The following ACSS3 variants were observed in gnomAD, a reference collection of about 807,000 sequenced individuals.
ACSS3 encodes the protein acyl-CoA synthetase short chain family member 3, also known as acyl-CoA synthetase short-chain family member 3, mitochondrial.
ACSS3 carries 64 observed loss-of-function variants against 84.2 expected under a neutral mutation model. That is an observed-to-expected ratio of 0.76 (90% CI 0.62 to 0.94). The LOEUF (loss-of-function observed/expected upper bound fraction) is 0.94, where lower values mean the gene tolerates loss of function less well. ACSS3 is among the 40% of genes least tolerant of loss of function. ACSS3 has a pLI of 0.00. For missense variants in ACSS3, 815 were observed against 867.6 expected, an observed-to-expected ratio of 0.94 and a Z score of 0.76; for synonymous variants, 317 against 310.1, an observed-to-expected ratio of 1.02 and a Z score of -0.23.
In ACSS3 at chr12:81,084,454, T is replaced by C. The variant is rs111880806; in HGVS notation, c.311+6023T>C. On this transcript the variant is annotated intron_variant, in intron 1 of 15. Transcript: ENST00000548058. ...TGCAGGGAAGTAAAGACATGGTAAC[T>C]GTAAGAATCTGACTTAAATGTCCAG... Among the ~76,000 whole-genome samples the C allele has an allele frequency of 6.3e-3, 955 of 152,272 alleles. 7 individuals are homozygous for C. The highest frequency in any genetic ancestry group is 0.018 in the African/African-American group (731 of 41,560).
intron 2 of ACSS3, among the ~76,000 whole-genome samples, chr12:81,115,201 T>C (rs1307870787): frequency 6.6e-6 from 1 of 152,178 alleles, no homozygotes; most frequent in Non-Finnish European, 1.5e-5. Context: ...AGGAATGAGA[T>C]GAATTGTTCG....
intron 8 of ACSS3, among the ~76,000 whole-genome samples, chr12:81,175,782 A>T (rs1421191672): frequency 6.6e-6 from 1 of 152,328 alleles, no homozygotes; most frequent in South Asian, 2.1e-4. Context: ...TTAAGGTAGA[A>T]ATCAAGAAAT....
intron 9 of ACSS3, among the ~76,000 whole-genome samples, chr12:81,216,233 C>T (rs1179234641): frequency 7.4e-6 from 1 of 135,624 alleles, no homozygotes; most frequent in African/African-American, 2.8e-5. Context: ...TACGTGTGCA[C>T]AACATGAATT....
intron 8 of ACSS3, among the ~76,000 whole-genome samples, chr12:81,197,404 G>A (rs2031889018): frequency 6.6e-6 from 1 of 152,094 alleles, no homozygotes. Flanking sequence ...AATAAAATTG[G>A]TAACGTGAGA....
intron 13 of ACSS3, among the ~76,000 whole-genome samples, 187 bp from the exon 14 acceptor site, chr12:81,253,120 T>G (rs1449780163): frequency 6.6e-6 from 1 of 152,232 alleles, no homozygotes; most frequent in African/African-American, 2.4e-5. Context: ...ACTTCACTAG[T>G]AATGATGTAA....
At chr12:81,180,688 G>A (rs1415020214) in intron 8 of ACSS3, among the ~76,000 whole-genome samples, 1 of 151,982 alleles carries the variant, frequency 6.6e-6, no homozygotes, top group Non-Finnish European at 1.5e-5. Context: ...GCTAATTTTT[G>A]TATTATTAGC....
chr12:81,125,385 T>C (rs1448757425), intron 2 of ACSS3, among the ~76,000 whole-genome samples: 17 of 152,220 alleles, frequency 1.1e-4, no homozygotes, highest in Non-Finnish European at 1.5e-5. Flanking sequence ...TTAGCTAAGG[T>C]AATTAATGCT....
At chr12:81,254,022 TAA>T (rs1178787344) in intron 15 of ACSS3, among the ~76,000 whole-genome samples, 1 of 152,156 alleles carries the variant, frequency 6.6e-6, no homozygotes, top group Non-Finnish European at 1.5e-5. Context: ...AGTTCTGATC[TAA>T]AGAGATCCTC....
intron 7 of ACSS3, among the ~76,000 whole-genome samples, chr12:81,153,717 A>T (rs1431458566): frequency 1.2e-4 from 18 of 152,202 alleles, no homozygotes; most frequent in Admixed American, 1.2e-3. Flanking sequence ...AATAGTATTA[A>T]GTGATTTCAA....
chr12:81,169,740 G>A (rs144680047), intron 7 of ACSS3, among the ~76,000 whole-genome samples: 179 of 152,020 alleles, frequency 1.2e-3, no homozygotes, highest in Middle Eastern at 3.4e-3. Context: ...AAGTTTAAAT[G>A]TTGCTGTCCC....
At chr12:81,217,283 T>A (rs2032955132) in intron 10 of ACSS3, among the ~76,000 whole-genome samples, 1 of 152,166 alleles carries the variant, frequency 6.6e-6, no homozygotes, top group South Asian at 2.1e-4. Flanking sequence ...GGGAGCCCAG[T>A]ACTTTATATA....
chr12:81,169,743 G>T (rs1156921528), intron 7 of ACSS3, among the ~76,000 whole-genome samples: 1 of 151,892 alleles, frequency 6.6e-6, no homozygotes, highest in Non-Finnish European at 1.5e-5. Context: ...TTTAAATGTT[G>T]CTGTCCCAAG....
At chr12:81,156,785 TCCAATATGTAATTAAATAGACTC>T (rs1886894326) in intron 7 of ACSS3, among the ~76,000 whole-genome samples, 1 of 152,026 alleles carries the variant, frequency 6.6e-6, no homozygotes, top group Admixed American at 6.6e-5. Flanking sequence ...ATTAAGAAAA[TCCAATATGTAATTAAATAGACTC>T]CCAACAAGAA....
At chr12:81,244,670 G>A (rs2033923061) in intron 13 of ACSS3, among the ~76,000 whole-genome samples, 1 of 151,998 alleles carries the variant, frequency 6.6e-6, no homozygotes, top group Non-Finnish European at 1.5e-5. Context: ...GTCCATCAGA[G>A]ACATTCTTTA....
chr12:81,124,431 C>A (rs1230465409), intron 2 of ACSS3: 1 of 152,092 alleles, frequency 6.6e-6, no homozygotes, highest in East Asian at 1.9e-4. Context: ...TATTGTTGTT[C>A]CATTTCACTC....
At chr12:81,131,126 A>C (rs1405020462) in intron 2 of ACSS3, among the ~76,000 whole-genome samples, 1 of 152,174 alleles carries the variant, frequency 6.6e-6, no homozygotes, top group Non-Finnish European at 1.5e-5. Context: ...TTTTTGTTCC[A>C]TATGAACATT....
At chr12:81,095,832 T>A (rs1165385651) in intron 1 of ACSS3, among the ~76,000 whole-genome samples, 1 of 152,344 alleles carries the variant, frequency 6.6e-6, no homozygotes, top group East Asian at 1.9e-4. Context: ...TGAGTATACA[T>A]ACTCATGTAG....
chr12:81,150,540 G>T (rs560845277), intron 5 of ACSS3, among the ~76,000 whole-genome samples: 1 of 152,278 alleles, frequency 6.6e-6, no homozygotes, highest in East Asian at 1.9e-4. Context: ...CTGGCAGGGG[G>T]CTTAGAATTT....
chr12:81,127,691 A>C (rs1885199169), intron 2 of ACSS3, among the ~76,000 whole-genome samples: 1 of 152,130 alleles, frequency 6.6e-6, no homozygotes, highest in East Asian at 1.9e-4. Flanking sequence ...GAAAATATGC[A>C]TTCCCTGTCT....
Sources: allele counts gnomAD v4.1 joint callset (sites outside exome capture counted in the v4.1 genomes callset), GRCh38; gene constraint gnomAD v4.1.1; transcripts MANE v1.5; gene names NCBI Gene and HGNC (gene_info 2026-07-23, HGNC 2026-07-21).